Variants in ZNF438 observed in about 807,000 individuals in gnomAD.
The protein encoded by ZNF438 is zinc finger protein 438.
In ZNF438, 25 loss-of-function variants were observed where a neutral mutation model predicts 38.0. The observed-to-expected ratio is 0.66, with a 90% CI of 0.48 to 0.92. The LOEUF is 0.92. Among genes scored for constraint, ZNF438 ranks in the 40% least tolerant of loss-of-function variants. The probability of loss-of-function intolerance (pLI) is 0.00; values close to 1 mark genes in which losing one functional copy is unlikely to be tolerated. For missense variants in ZNF438, 1,007 were observed against 999.6 expected, an observed-to-expected ratio of 1.01 and a Z score of -0.10; for synonymous variants, 372 against 364.1, an observed-to-expected ratio of 1.02 and a Z score of -0.25.
chr10:30,877,980 T>C (rs1588955997), intron 3 of ZNF438, among the ~76,000 whole-genome samples: 3 of 152,210 alleles, frequency 2.0e-5, no homozygotes, highest in East Asian at 3.8e-4. Flanking sequence ...ACCAGATTCA[T>C]GCTTCTGCCT....
intron 1 of ZNF438, among the ~76,000 whole-genome samples, chr10:30,966,923 A>G (rs2050184202): frequency 6.6e-6 from 1 of 152,168 alleles, no homozygotes; most frequent in South Asian, 2.1e-4. Context: ...ACACACTAGC[A>G]AACTTAAAAT....
chr10:30,998,501 C>A (rs959824304), intron 1 of ZNF438, among the ~76,000 whole-genome samples: 2 of 119,682 alleles, frequency 1.7e-5, no homozygotes, highest in African/African-American at 6.4e-5. Flanking sequence ...CGAGATCACG[C>A]CCCTGCACTC....
At chr10:31,020,874 G>A (rs989541447) in intron 1 of ZNF438, among the ~76,000 whole-genome samples, 4 of 151,738 alleles carry the variant, frequency 2.6e-5, no homozygotes, top group Non-Finnish European at 4.4e-5. Context: ...CAGAAATTTG[G>A]TCTGTCAACA....
chr10:31,003,250 T>C (rs1336325181), intron 1 of ZNF438, among the ~76,000 whole-genome samples: 5 of 152,202 alleles, frequency 3.3e-5, no homozygotes, highest in African/African-American at 1.2e-4. Flanking sequence ...ATGTGCTTCC[T>C]ATATTTAATG....
At chr10:30,886,090 G>GA (rs2039915381) in intron 3 of ZNF438, among the ~76,000 whole-genome samples, 1 of 152,138 alleles carries the variant, frequency 6.6e-6, no homozygotes, top group African/African-American at 2.4e-5. Flanking sequence ...CTTCATCACT[G>GA]AAAAACCTGA....
intron 2 of ZNF438, among the ~76,000 whole-genome samples, chr10:30,932,458 G>T (rs1564670468): frequency 6.6e-6 from 1 of 152,142 alleles, no homozygotes; most frequent in South Asian, 2.1e-4. Flanking sequence ...CTTTATATAT[G>T]TTAACTTATT....
intron 1 of ZNF438, among the ~76,000 whole-genome samples, chr10:30,945,269 T>G (rs2047256056): frequency 6.6e-6 from 1 of 152,072 alleles, no homozygotes; most frequent in Non-Finnish European, 1.5e-5. Context: ...TTATGAAATA[T>G]TTCTCAATAC....
chr10:30,967,922 C>T (rs536038952), intron 1 of ZNF438, among the ~76,000 whole-genome samples: 4 of 152,294 alleles, frequency 2.6e-5, no homozygotes, highest in Admixed American at 1.3e-4. Context: ...CCCCCTCCCA[C>T]TGCCTGTGAT....
At chr10:30,969,416 G>A (rs1296537658) in intron 1 of ZNF438, among the ~76,000 whole-genome samples, 1 of 152,124 alleles carries the variant, frequency 6.6e-6, no homozygotes, top group Non-Finnish European at 1.5e-5. Flanking sequence ...AACAACTGAT[G>A]GTTAATTTCT....
intron 1 of ZNF438, among the ~76,000 whole-genome samples, chr10:30,954,037 G>A (rs531417732): frequency 6.6e-6 from 1 of 152,208 alleles, no homozygotes; most frequent in South Asian, 2.1e-4. Context: ...CAGCTACTCA[G>A]AAGGCTGAGG....
chr10:30,899,088 A>C (rs1452665585), intron 3 of ZNF438, among the ~76,000 whole-genome samples: 1 of 152,174 alleles, frequency 6.6e-6, no homozygotes, highest in African/African-American at 2.4e-5. Context: ...GACCAAACTT[A>C]CATTAACTTC....
chr10:30,877,293 A>T (rs1171962319), intron 3 of ZNF438, among the ~76,000 whole-genome samples: 1 of 152,212 alleles, frequency 6.6e-6, no homozygotes, highest in African/African-American at 2.4e-5. Context: ...AGATGCAATG[A>T]CACATCAGGG....
rs146001023 is a variant in ZNF438, at chr10:30,988,515, A to G, written c.-192+43318T>C. On this transcript the variant is annotated intron_variant, in intron 1 of 5. Transcript: ENST00000413025. ...CAGGGTTCTCCAGAGAAAGAGAGAG[A>G]TAACAAGATTATAATTATTGTACCT... Among the ~76,000 whole-genome samples, 6 of 152,232 alleles carry G rather than the reference A, an allele frequency of 3.9e-5. No individual in the cohort carries two copies. In the East Asian group the frequency reaches 9.6e-4, roughly 24 times the overall value.
intron 1 of ZNF438, among the ~76,000 whole-genome samples, chr10:31,009,633 A>G (rs1284568059): frequency 6.6e-6 from 1 of 152,072 alleles, no homozygotes; most frequent in Non-Finnish European, 1.5e-5. Context: ...AAAACCCTCA[A>G]CCTTAAATTC....
chr10:30,933,065 C>T (rs546624476), intron 2 of ZNF438, among the ~76,000 whole-genome samples: 4 of 152,176 alleles, frequency 2.6e-5, no homozygotes, highest in African/African-American at 9.7e-5. Context: ...TTATTTAAAG[C>T]CACCCAGTTT....
chr10:30,990,245 G>A (rs899821121), intron 1 of ZNF438, among the ~76,000 whole-genome samples: 1 of 151,996 alleles, frequency 6.6e-6, no homozygotes, highest in African/African-American at 2.4e-5. Context: ...AACTGAATAA[G>A]AAATAAGGAC....
intron 1 of ZNF438, among the ~76,000 whole-genome samples, chr10:31,002,081 A>C (rs1417992285): frequency 6.6e-6 from 1 of 152,242 alleles, no homozygotes; most frequent in African/African-American, 2.4e-5. Context: ...AGGGAAAGGC[A>C]GTGGCTGGGA....
intron 2 of ZNF438, among the ~76,000 whole-genome samples, chr10:30,937,449 G>A (rs2046371763): frequency 6.6e-6 from 1 of 152,088 alleles, no homozygotes; most frequent in Non-Finnish European, 1.5e-5. Flanking sequence ...TTGTGTTATT[G>A]CATATGTGGG....
chr10:30,882,111 A>T (rs945368375), intron 3 of ZNF438, among the ~76,000 whole-genome samples: 1 of 152,228 alleles, frequency 6.6e-6, no homozygotes, highest in Non-Finnish European at 1.5e-5. Flanking sequence ...GATATCAATA[A>T]GACAATGAAA....
Sources: gnomAD v4.1 joint callset for allele counts (sites outside exome capture counted in the v4.1 genomes callset) on GRCh38, gnomAD v4.1.1 for gene constraint, MANE v1.5 for transcripts, NCBI Gene and HGNC (gene_info 2026-07-23, HGNC 2026-07-21) for gene names.